The following SMC3 variants were observed in gnomAD, a reference collection of about 807,000 sequenced individuals.
SMC3 encodes the protein structural maintenance of chromosomes 3.
In SMC3, 20 loss-of-function variants were observed where a neutral mutation model predicts 171.8. The observed-to-expected ratio is 0.12, with a 90% CI of 0.08 to 0.17. The LOEUF is 0.17. SMC3 is among the 10% of genes least tolerant of loss of function. The probability of loss-of-function intolerance (pLI) is 1.00; values close to 1 mark genes in which losing one functional copy is unlikely to be tolerated. For missense variants in SMC3, 543 were observed against 1,420.4 expected (o/e 0.38, Z 9.93); for synonymous variants, 464 against 451.1 (o/e 1.03, Z -0.36).
intron 13 of SMC3, among the ~76,000 whole-genome samples, chr10:110,585,287 AC>A (rs1861092918): frequency 2.2e-5 from 3 of 138,178 alleles, no homozygotes; most frequent in African/African-American, 8.4e-5. Context: ...GCTGATAGTA[AC>A]AATTTTTTTT....
intron 13 of SMC3, 53 bp downstream of exon 13, chr10:110,584,449 T>C: frequency 7.7e-7 from 1 of 1,298,006 alleles, no homozygotes; most frequent in Non-Finnish European, 1.1e-6. Context: ...GATAAATGTG[T>C]TTAGTTTTAT....
intron 17 of SMC3, among the ~76,000 whole-genome samples, chr10:110,592,128 GGTA>G (rs1214622850): frequency 6.6e-6 from 1 of 152,084 alleles, no homozygotes; most frequent in Non-Finnish European, 1.5e-5. Context: ...AGCTGGACAT[GGTA>G]GTAGGCACCT....
At chr10:110,587,696 A>G (rs1419537216) in intron 13 of SMC3, among the ~76,000 whole-genome samples, 1 of 151,952 alleles carries the variant, frequency 6.6e-6, no homozygotes, top group African/African-American at 2.4e-5. Context: ...AAAGAAAAAA[A>G]AAAAAAAAAA....
intron 7 of SMC3, among the ~76,000 whole-genome samples, chr10:110,579,774 G>A (rs139087759): frequency 3.3e-3 from 503 of 152,248 alleles, no homozygotes; most frequent in Non-Finnish European, 5.2e-3. Context: ...TAATTGGAGC[G>A]TTCAATAATG....
intron 20 of SMC3, among the ~76,000 whole-genome samples, 195 bp downstream of exon 20, chr10:110,598,485 C>T (rs1357134823): frequency 1.3e-5 from 2 of 151,974 alleles, no homozygotes; most frequent in African/African-American, 4.8e-5. Flanking sequence ...CAGCTCACTG[C>T]AGCCTCCACC....
chr10:110,573,334 C>T (rs1444964505), intron 2 of SMC3, among the ~76,000 whole-genome samples: 4 of 151,992 alleles, frequency 2.6e-5, no homozygotes, highest in Admixed American at 6.6e-5. Context: ...TATTTTAGAA[C>T]GTTAGCAATA....
chr10:110,595,528 T>A (rs966888661), intron 18 of SMC3, among the ~76,000 whole-genome samples: 2 of 152,198 alleles, frequency 1.3e-5, no homozygotes, highest in Non-Finnish European at 2.9e-5. Flanking sequence ...TGTAATTTAA[T>A]AATATGTGAG....
At chr10:110,571,568 T>G (rs771859358) in intron 2 of SMC3, among the ~76,000 whole-genome samples, 1 of 152,216 alleles carries the variant, frequency 6.6e-6, no homozygotes, top group Non-Finnish European at 1.5e-5. Flanking sequence ...CAGGGAGTTA[T>G]AGCCTCCTTT....
At chr10:110,582,863 T>C (rs913938830) in intron 10 of SMC3, among the ~76,000 whole-genome samples, 1 of 152,004 alleles carries the variant, frequency 6.6e-6, no homozygotes, top group African/African-American at 2.4e-5. Flanking sequence ...AGACAAGGTC[T>C]TACCATGTTG....
intron 4 of SMC3, among the ~76,000 whole-genome samples, chr10:110,575,716 A>T (rs568698471): frequency 2.6e-5 from 4 of 152,334 alleles, no homozygotes; most frequent in African/African-American, 9.6e-5. Flanking sequence ...AATTTAGCCT[A>T]ACATGTTAAT....
chr10:110,592,997 A>G (rs1192101614), intron 17 of SMC3, 76 bp from the exon 18 acceptor site: 8 of 1,206,834 alleles, frequency 6.6e-6, no homozygotes, highest in South Asian at 2.5e-5. Context: ...TGTATTTCAT[A>G]AAGATGTAAT....
intron 20 of SMC3, among the ~76,000 whole-genome samples, chr10:110,598,616 G>T (rs946342834): frequency 6.6e-6 from 1 of 152,058 alleles, no homozygotes; most frequent in African/African-American, 2.4e-5. Context: ...ATGTTGTCCA[G>T]GCTTGTCTCA....
chr10:110,592,347 A>C (rs943684075), intron 17 of SMC3, among the ~76,000 whole-genome samples: 1 of 152,074 alleles, frequency 6.6e-6, no homozygotes, highest in South Asian at 2.1e-4. Flanking sequence ...CTCGCAGGTA[A>C]CCACTGTAGG....
chr10:110,582,672 T>C, intron 10 of SMC3, 30 bp downstream of exon 10: 2 of 1,510,616 alleles, frequency 1.3e-6, no homozygotes, highest in Non-Finnish European at 9.2e-7. Flanking sequence ...TCATGTTAAC[T>C]TACTTTTTAC....
At chr10:110,577,373 A>G in intron 4 of SMC3, 48 bp from the exon 5 acceptor site, 6 of 1,345,044 alleles carry the variant, frequency 4.5e-6, no homozygotes, top group Admixed American at 1.7e-5. Context: ...TTTAAAGGAT[A>G]TGAATATACA....
intron 28 of SMC3, 135 bp downstream of exon 28, chr10:110,603,425 CT>C (rs1368905805): frequency 9.2e-6 from 6 of 653,776 alleles, no homozygotes; most frequent in Non-Finnish European, 1.6e-5. Flanking sequence ...AAAGAAAGAA[CT>C]TTTCCTTCAA....
intron 2 of SMC3, among the ~76,000 whole-genome samples, chr10:110,572,034 T>C (rs1264474771): frequency 2.0e-5 from 3 of 152,226 alleles, no homozygotes; most frequent in African/African-American, 7.2e-5. Context: ...TAAATTGTCA[T>C]CTTAAACTTT....
chr10:110,576,892 T>C (rs1034185806), intron 4 of SMC3, among the ~76,000 whole-genome samples: 1 of 152,212 alleles, frequency 6.6e-6, no homozygotes. Context: ...ATAATAGATT[T>C]AAAACTGTAG....
chr10:110,567,698 T>G lies in SMC3; in HGVS notation c.-119T>G. ...CCCCCACGAGCGCCGCCATTTTGTT[T>G]GGCTGAGGGGAGCGAGCGGCGCTTT... On this transcript the variant is annotated 5_prime_UTR_variant, in exon 1 of 29. Coordinates refer to ENST00000361804, the MANE Select transcript of SMC3 (RefSeq NM_005445.4). The G allele has an allele frequency of 8.0e-7, 1 of 1,257,710 alleles. No individual in the cohort carries two copies. Among genetic ancestry groups the G allele is most frequent in the South Asian group, 1.3e-5 (1 of 79,698 alleles). 77.9% of individuals were successfully genotyped at this position (1,257,710 alleles called of 1,614,324 possible).
Sources: allele counts gnomAD v4.1 joint callset (sites outside exome capture counted in the v4.1 genomes callset), GRCh38; gene constraint gnomAD v4.1.1; transcripts MANE v1.5; gene names NCBI Gene and HGNC (gene_info 2026-07-23, HGNC 2026-07-21).